Variants in ANKS1B observed in about 807,000 individuals in gnomAD.
The protein encoded by ANKS1B is ankyrin repeat and sterile alpha motif domain containing 1B, also known as ankyrin repeat and sterile alpha motif domain-containing protein 1B.
Under a neutral mutation model 148.3 loss-of-function variants are expected in ANKS1B, and 36 were observed. The ratio of observed to expected loss-of-function variants is 0.24; its 90% CI spans 0.19 to 0.32. ANKS1B has a LOEUF of 0.32. ANKS1B is among the 10% of genes least tolerant of loss of function. The pLI, the probability that ANKS1B is intolerant of heterozygous loss-of-function variation, is 1.00. For missense variants in ANKS1B, 1,157 were observed against 1,542.6 expected (o/e 0.75, Z 4.19); for synonymous variants, 542 against 560.8 (o/e 0.97, Z 0.47).
At chr12:99,126,222 T>G (rs1051592894) in intron 15 of ANKS1B, among the ~76,000 whole-genome samples, 2 of 152,120 alleles carry the variant, frequency 1.3e-5, no homozygotes, top group African/African-American at 2.4e-5. Context: ...GTATCTGCTT[T>G]TAGGTTAATC....
intron 9 of ANKS1B, among the ~76,000 whole-genome samples, chr12:99,518,971 C>A (rs539386875): frequency 3.7e-4 from 57 of 152,108 alleles, no homozygotes; most frequent in South Asian, 1.0e-3. Flanking sequence ...TTCTTAATTT[C>A]TTCATTGACC....
chr12:99,358,096 A>G (rs1242856471), intron 12 of ANKS1B, among the ~76,000 whole-genome samples: 2 of 152,018 alleles, frequency 1.3e-5, no homozygotes, highest in African/African-American at 2.4e-5. Context: ...TATTGTTAAG[A>G]TAGTTACCAT....
At chr12:99,273,880 C>T (rs1387668538) in intron 12 of ANKS1B, among the ~76,000 whole-genome samples, 4 of 151,996 alleles carry the variant, frequency 2.6e-5, no homozygotes, top group East Asian at 3.9e-4. Flanking sequence ...CCACGGCACC[C>T]GGCCTTTTTT....
chr12:99,505,656 A>G (rs1275746346), intron 9 of ANKS1B, among the ~76,000 whole-genome samples: 1 of 148,772 alleles, frequency 6.7e-6, no homozygotes, highest in East Asian at 1.9e-4. Flanking sequence ...ATATATATAT[A>G]ATGTGCTAAA....
intron 12 of ANKS1B, among the ~76,000 whole-genome samples, chr12:99,398,323 A>G (rs2094309536): frequency 6.6e-6 from 1 of 152,132 alleles, no homozygotes. Flanking sequence ...TTTTAAACAT[A>G]GAGTCCGATT....
At chr12:99,120,599 TGAAAA>T (rs1251947585) in intron 15 of ANKS1B, among the ~76,000 whole-genome samples, 1 of 152,152 alleles carries the variant, frequency 6.6e-6, no homozygotes. Context: ...CTTATTGAGA[TGAAAA>T]GAAATATTAT....
chr12:99,487,546 C>T (rs1265180660), intron 10 of ANKS1B, among the ~76,000 whole-genome samples: 1 of 150,886 alleles, frequency 6.6e-6, no homozygotes, highest in African/African-American at 2.4e-5. Flanking sequence ...TAAAGTTAGG[C>T]ATTGTTTACA....
chr12:99,430,967 A>T (rs191588189), intron 11 of ANKS1B, among the ~76,000 whole-genome samples: 2 of 152,344 alleles, frequency 1.3e-5, no homozygotes, highest in African/African-American at 4.8e-5. Flanking sequence ...GAGAGAAAGC[A>T]AGCAGTGTGG....
intron 1 of ANKS1B, among the ~76,000 whole-genome samples, chr12:99,920,090 CTTCCA>C (rs1287245599): frequency 6.6e-6 from 1 of 152,122 alleles, no homozygotes; most frequent in Admixed American, 6.5e-5. Flanking sequence ...CCCTCCCAGT[CTTCCA>C]TTCTTTAGCA....
At chr12:99,739,931 A>G (rs2059938709) in intron 8 of ANKS1B, among the ~76,000 whole-genome samples, 1 of 152,022 alleles carries the variant, frequency 6.6e-6, no homozygotes, top group Admixed American at 6.6e-5. Flanking sequence ...CATCTTTATC[A>G]TACTACATAT....
intron 17 of ANKS1B, chr12:98,895,374 C>G (rs931504070): frequency 2.1e-6 from 2 of 935,268 alleles, no homozygotes; most frequent in Middle Eastern, 5.6e-4. Context: ...CCGCGGGTGC[C>G]CAGGTGACCG....
At chr12:99,149,067 G>C (rs2074113099) in intron 15 of ANKS1B, among the ~76,000 whole-genome samples, 1 of 151,694 alleles carries the variant, frequency 6.6e-6, no homozygotes, top group Non-Finnish European at 1.5e-5. Context: ...ATTATCACGG[G>C]GGGAGGGGGG....
intron 19 of ANKS1B, among the ~76,000 whole-genome samples, chr12:98,819,350 C>T (rs76370583): frequency 0.023 from 3,571 of 152,214 alleles, 81 homozygotes; most frequent in East Asian, 0.088. Flanking sequence ...GGATGCTGTA[C>T]GGCCCACATC....
At chr12:99,352,360 TA>T (rs2091510601) in intron 12 of ANKS1B, among the ~76,000 whole-genome samples, 1 of 151,896 alleles carries the variant, frequency 6.6e-6, no homozygotes, top group South Asian at 2.1e-4. Flanking sequence ...AAAACAAAAG[TA>T]TAAATAAGAA....
chr12:99,350,207 G>A (rs896963924), intron 12 of ANKS1B, among the ~76,000 whole-genome samples: 1 of 151,966 alleles, frequency 6.6e-6, no homozygotes, highest in Non-Finnish European at 1.5e-5. Flanking sequence ...CCTGTAAGAT[G>A]TGCCTGCGTC....
chr12:99,759,161 G>A (rs573165430), intron 8 of ANKS1B, among the ~76,000 whole-genome samples: 1 of 151,886 alleles, frequency 6.6e-6, no homozygotes, highest in Non-Finnish European at 1.5e-5. Flanking sequence ...AGCACAGACT[G>A]GCAGCTATCA....
chr12:98,750,455 TCA>T (rs2098051761), intron 26 of ANKS1B, among the ~76,000 whole-genome samples: 1 of 152,134 alleles, frequency 6.6e-6, no homozygotes, highest in Non-Finnish European at 1.5e-5. Context: ...AACTGCATGT[TCA>T]CAAAGGGAGG....
chr12:99,167,918 C>A (rs975792942), intron 14 of ANKS1B, among the ~76,000 whole-genome samples: 1 of 152,140 alleles, frequency 6.6e-6, no homozygotes, highest in African/African-American at 2.4e-5. Flanking sequence ...ATGTCAAAAT[C>A]ATTTTGCACA....
At chr12:99,615,134 A>G (rs2097942359) in intron 9 of ANKS1B, among the ~76,000 whole-genome samples, 1 of 152,200 alleles carries the variant, frequency 6.6e-6, no homozygotes, top group African/African-American at 2.4e-5. Flanking sequence ...GTGTTTACAC[A>G]GATGACATTA....
Sources: gnomAD v4.1 joint callset for allele counts (sites outside exome capture counted in the v4.1 genomes callset) on GRCh38, gnomAD v4.1.1 for gene constraint, MANE v1.5 for transcripts, NCBI Gene and HGNC (gene_info 2026-07-23, HGNC 2026-07-21) for gene names.